The following VSIG1 variants were observed in gnomAD, a reference collection of about 807,000 sequenced individuals.
VSIG1 encodes the protein V-set and immunoglobulin domain-containing protein 1.
In VSIG1, 11 loss-of-function variants were observed where a neutral mutation model predicts 20.1. The ratio of observed to expected loss-of-function variants is 0.55; its 90% CI spans 0.34 to 0.91. VSIG1 has a LOEUF of 0.91. Ranked by LOEUF, VSIG1 falls within the 40% of genes least tolerant of loss-of-function variation. The pLI, the probability that VSIG1 is intolerant of heterozygous loss-of-function variation, is 0.02. For synonymous variants in VSIG1, 126 were observed against 116.7 expected, an observed-to-expected ratio of 1.08 and a Z score of -0.52; for missense variants, 283 against 298.8, an observed-to-expected ratio of 0.95 and a Z score of 0.39.
intron 2 of VSIG1, among the ~76,000 whole-genome samples, chrX:108,066,563 G>T (rs776010583): frequency 9.0e-6 from 1 of 111,432 alleles, no homozygotes; most frequent in Admixed American, 9.5e-5. Flanking sequence ...TGATGGTTTT[G>T]GTTTCCCATC....
the VSIG1 span, among the ~76,000 whole-genome samples, chrX:108,030,584 A>T: frequency 8.9e-6 from 1 of 112,336 alleles, no homozygotes; most frequent in African/African-American, 3.2e-5. Context: ...TATTCAGTTG[A>T]TGTGCATCAG....
At chrX:108,047,829 TACAC>T (rs199515601) in intron 1 of VSIG1, among the ~76,000 whole-genome samples, 3 of 37,948 alleles carry the variant, frequency 7.9e-5, no homozygotes, top group Admixed American at 2.2e-4. Flanking sequence ...TACATATATA[TACAC>T]ATATATATAT....
chrX:108,052,807 A>T (rs978159662), intron 1 of VSIG1, among the ~76,000 whole-genome samples: 1 of 111,938 alleles, frequency 8.9e-6, no homozygotes, highest in Non-Finnish European at 1.9e-5. Context: ...ACAAGAATTT[A>T]AAAAATACAT....
intron 1 of VSIG1, among the ~76,000 whole-genome samples, chrX:108,046,539 C>T (rs9698260): frequency 0.22 from 23,450 of 108,404 alleles, 2,242 homozygotes; most frequent in East Asian, 0.55. Flanking sequence ...GGGTTTGGAA[C>T]GGTTGTTAAG....
chrX:108,077,896 A>G lies in VSIG1; in HGVS notation c.*515A>G, dbSNP rs752071271. 5.4e-5 allele frequency: 6 copies of G among 111,260 alleles called. No homozygotes were observed. The highest frequency in any genetic ancestry group is 1.1e-4 in the Non-Finnish European group (6 of 53,530). 9.2% of individuals were successfully genotyped at this position (111,260 alleles called of 1,213,427 possible). ...CTAATTTTTTGTATTTTTAGTAGAGATGGGGTTTCACGTTGTTAGCCAGGA... is the reference window on the plus strand; with the variant it reads ...CTAATTTTTTGTATTTTTAGTAGAGGTGGGGTTTCACGTTGTTAGCCAGGA... On this transcript the variant is annotated 3_prime_UTR_variant, in exon 7 of 7. Transcript: ENST00000217957.
the VSIG1 span, among the ~76,000 whole-genome samples, chrX:108,019,517 C>T: frequency 3.6e-5 from 4 of 112,420 alleles, no homozygotes; most frequent in Admixed American, 2.8e-4. Context: ...TCCATGGGAG[C>T]AGCCATAGGC....
chrX:108,033,058 A>G, the VSIG1 span, among the ~76,000 whole-genome samples: 1 of 111,693 alleles, frequency 9.0e-6, no homozygotes, highest in Non-Finnish European at 1.9e-5. Flanking sequence ...TGGGAGGGTC[A>G]TGAACTGGTG....
rs1307192531 is a variant in VSIG1, at chrX:108,063,997, A to T, written c.214-2939A>T. Among the ~76,000 whole-genome samples the T allele has an allele frequency of 2.7e-5, 3 of 112,476 alleles. No homozygotes were observed. The Admixed American group carries it at 2.8e-4, about 11-fold the overall frequency. On this transcript the variant is annotated intron_variant, in intron 2 of 6. Coordinates refer to ENST00000217957, the MANE Select transcript of VSIG1 (RefSeq NM_182607.5). The stretch of plus-strand genomic sequence containing the variant: ...TCTTTCTTTGAAAAGTGTACAAGCC[A>T]CACAGGATCATGGGCCAGGCTTTGG...
chrX:108,039,799 T>C, the VSIG1 span, among the ~76,000 whole-genome samples: 4 of 111,183 alleles, frequency 3.6e-5, no homozygotes, highest in Non-Finnish European at 7.5e-5. Flanking sequence ...GGATGTGTTA[T>C]ATGAGAAAAC....
At chrX:108,067,199 C>T in intron 3 of VSIG1, 65 bp downstream of exon 3, 2 of 1,091,169 alleles carry the variant, frequency 1.8e-6, no homozygotes, top group Non-Finnish European at 2.5e-6. Context: ...TGAGCCAGGA[C>T]AGTGAGTTAT....
chrX:108,077,581 GA>G lies in VSIG1; in HGVS notation c.*202del. ...CAAGGGTTCCTGTATTACCAATATAGAATACTAACAATTTTACTAACACGTA... is the reference window on the plus strand; with the variant it reads ...CAAGGGTTCCTGTATTACCAATATAGATACTAACAATTTTACTAACACGTA... On this transcript the variant is annotated 3_prime_UTR_variant, in exon 7 of 7. Transcript: ENST00000217957. The G allele has an allele frequency of 2.4e-6, 1 of 411,836 alleles. No homozygotes were observed. The highest frequency in any genetic ancestry group is 4.0e-6 in the Non-Finnish European group (1 of 247,540). The allele number at this position is 411,836 out of a possible 1,213,427, so 33.9% of individuals were successfully genotyped here.
At chrX:108,068,504 G>C (rs1320923718) in intron 3 of VSIG1, among the ~76,000 whole-genome samples, 1 of 111,793 alleles carries the variant, frequency 8.9e-6, no homozygotes, top group Non-Finnish European at 1.9e-5. Context: ...GAAGCCTCAG[G>C]AAACTACAAT....
intron 3 of VSIG1, among the ~76,000 whole-genome samples, chrX:108,069,396 C>T (rs1298678438): frequency 8.9e-6 from 1 of 111,772 alleles, no homozygotes; most frequent in African/African-American, 3.3e-5. Flanking sequence ...CAAAGGCCTC[C>T]TCCAAATGTA....
At chrX:108,047,973 T>TATATATATATATATACAC (rs2030689055) in intron 1 of VSIG1, among the ~76,000 whole-genome samples, 1 of 59,667 alleles carries the variant, frequency 1.7e-5, no homozygotes, top group Non-Finnish European at 2.9e-5. Context: ...TATATATATA[T>TATATATATATATATACAC]ATATATATAT....
chrX:108,057,914 A>G, intron 1 of VSIG1, 124 bp from the exon 2 acceptor site: 1 of 669,942 alleles, frequency 1.5e-6, no homozygotes. Context: ...TGTATGGTTT[A>G]TTCTACCTTC....
chrX:108,066,409 A>C (rs1208710552), intron 2 of VSIG1, among the ~76,000 whole-genome samples: 1 of 111,851 alleles, frequency 8.9e-6, no homozygotes, highest in Non-Finnish European at 1.9e-5. Context: ...TAATAAACAA[A>C]ACAAACCCAA....
chrX:108,019,875 G>T, the VSIG1 span, among the ~76,000 whole-genome samples: 1 of 111,325 alleles, frequency 9.0e-6, no homozygotes, highest in African/African-American at 3.3e-5. Context: ...ACTCTACCAC[G>T]GCTAGGATTT....
intron 1 of VSIG1, among the ~76,000 whole-genome samples, chrX:108,047,887 C>CACATATATATATACACACATATATATAT (rs1569287199): frequency 3.7e-4 from 9 of 24,465 alleles, no homozygotes; most frequent in African/African-American, 7.8e-4. Flanking sequence ...TATATATATA[C>CACATATATATATACACACATATATATAT]ACACATATAT....
chrX:108,024,304 C>T, the VSIG1 span, among the ~76,000 whole-genome samples: 11 of 110,303 alleles, frequency 1.0e-4, no homozygotes, highest in Non-Finnish European at 1.3e-4. Flanking sequence ...GTCCTGAGTC[C>T]GACTCTTGAT....
Sources: gnomAD v4.1 joint callset for allele counts (sites outside exome capture counted in the v4.1 genomes callset) on GRCh38, gnomAD v4.1.1 for gene constraint, MANE v1.5 for transcripts, NCBI Gene and HGNC (gene_info 2026-07-23, HGNC 2026-07-21) for gene names.